NLGN1: variants seen among roughly 807,000 people sequenced by gnomAD.
NLGN1 encodes neuroligin 1, also known as neuroligin-1.
NLGN1 carries 12 observed loss-of-function variants against 65.5 expected under a neutral mutation model. That is an observed-to-expected ratio of 0.18 (90% CI 0.12 to 0.30). The LOEUF (loss-of-function observed/expected upper bound fraction) is 0.30. NLGN1 is among the 10% of genes least tolerant of loss of function. The pLI is 1.00. For synonymous variants in NLGN1, 350 were observed against 359.5 expected (o/e 0.97, Z 0.30); for missense variants, 750 against 1,007.1 (o/e 0.74, Z 3.46).
intron 2 of NLGN1, among the ~76,000 whole-genome samples, chr3:173,498,283 C>G (rs1018685060): frequency 2.0e-5 from 3 of 151,534 alleles, no homozygotes; most frequent in Non-Finnish European, 4.4e-5. Flanking sequence ...CAATTCCCAC[C>G]TATGAGTGAC....
intron 4 of NLGN1, among the ~76,000 whole-genome samples, chr3:174,086,693 C>T (rs1743469727): frequency 6.6e-6 from 1 of 151,784 alleles, no homozygotes; most frequent in African/African-American, 2.4e-5. Context: ...TCACCCAAAA[C>T]TATCCCAAAA....
intron 4 of NLGN1, among the ~76,000 whole-genome samples, chr3:174,249,849 G>A (rs1271590908): frequency 6.6e-6 from 1 of 152,144 alleles, no homozygotes; most frequent in East Asian, 1.9e-4. Context: ...ATTATAAGAA[G>A]GAGGCTGCTG....
At position 173,622,503 on chromosome 3, in the gene NLGN1, C is replaced by A. The variant is rs1343542901; in HGVS notation, c.493+17412C>A. On this transcript the variant is annotated intron_variant, in intron 3 of 6. Coordinates refer to ENST00000457714, the Ensembl canonical transcript of NLGN1. Reference sequence around the variant, plus strand: ...GAATGGCAAGGACATCTGGAAAGATCAGAGCATGATAGAATGCCCAAATTG... The same window carrying A: ...GAATGGCAAGGACATCTGGAAAGATAAGAGCATGATAGAATGCCCAAATTG... Among the ~76,000 whole-genome samples, 4 of 151,694 alleles carry A rather than the reference C, an allele frequency of 2.6e-5. No individual in the cohort carries two copies. The East Asian group carries it at 7.8e-4, about 29-fold the overall frequency.
In NLGN1 at chr3:173,420,864, G is replaced by A. The variant is rs914489908; in HGVS notation, c.-389-14146G>A. 3.3e-5 allele frequency among the ~76,000 whole-genome samples: 5 copies of A among 152,186 alleles called. No individual in the cohort carries two copies. In the South Asian group the frequency reaches 6.2e-4, roughly 19 times the overall value. On this transcript the variant is annotated intron_variant, in intron 1 of 6. Transcript: ENST00000457714. ...TTCATGTACAAAATTTTTACACATA[G>A]TTGAATCTTCTGGACTTTCTATTCA...
intron 3 of NLGN1, among the ~76,000 whole-genome samples, chr3:173,782,098 C>CT (rs35107991): frequency 0.75 from 113,548 of 150,434 alleles, 44,180 homozygotes; most frequent in Non-Finnish European, 0.86. Flanking sequence ...TTGGAAGTGT[C>CT]TTTTTTTTTA....
At chr3:173,769,100 T>C (rs917128127) in intron 3 of NLGN1, among the ~76,000 whole-genome samples, 3 of 152,134 alleles carry the variant, frequency 2.0e-5, no homozygotes, top group Non-Finnish European at 4.4e-5. Context: ...CATTACTTTG[T>C]TCAAGAATCT....
At chr3:173,868,520 A>G (rs974857212) in intron 4 of NLGN1, among the ~76,000 whole-genome samples, 1 of 152,178 alleles carries the variant, frequency 6.6e-6, no homozygotes, top group Admixed American at 6.5e-5. Context: ...GTGAATAAAA[A>G]TGCACTTAGA....
chr3:174,020,123 A>G (rs1270957640), intron 4 of NLGN1, among the ~76,000 whole-genome samples: 1 of 152,154 alleles, frequency 6.6e-6, no homozygotes, highest in East Asian at 1.9e-4. Flanking sequence ...ATAAATTTGT[A>G]GGTCACACAT....
rs556022318 is a variant in NLGN1 at position 174,032,827 on chromosome 3, T to C, written c.646+224995T>C. On this transcript the variant is annotated intron_variant, in intron 4 of 6. Coordinates refer to ENST00000457714, the Ensembl canonical transcript of NLGN1. ...GAGGCTTATCCCAGTGGAGGAAGGG[T>C]ATTATTTCTACTCTGAGCCAGGCTA... Among the ~76,000 whole-genome samples the C allele has an allele frequency of 1.7e-4, 26 of 152,142 alleles. No individual in the cohort carries two copies. The South Asian group carries it at 4.4e-3, about 25-fold the overall frequency.
intron 4 of NLGN1, among the ~76,000 whole-genome samples, chr3:174,172,416 C>G (rs1577207061): frequency 6.6e-6 from 1 of 152,194 alleles, no homozygotes; most frequent in East Asian, 1.9e-4. Context: ...TTTGTACCCA[C>G]TAACCATACC....
At chr3:173,817,468 A>G (rs765692424) in intron 4 of NLGN1, among the ~76,000 whole-genome samples, 112 of 152,306 alleles carry the variant, frequency 7.4e-4, no homozygotes, top group Non-Finnish European at 1.3e-3. Flanking sequence ...TGAGGCAGAT[A>G]TTTTGCTCAT....
At chr3:173,640,240 A>G (rs1398280168) in intron 3 of NLGN1, among the ~76,000 whole-genome samples, 1 of 152,192 alleles carries the variant, frequency 6.6e-6, no homozygotes, top group Non-Finnish European at 1.5e-5. Context: ...AGTCATCTGA[A>G]GCCTGTATTT....
At chr3:173,944,190 A>G (rs9883340) in intron 4 of NLGN1, among the ~76,000 whole-genome samples, 6,433 of 150,782 alleles carry the variant, frequency 0.043, 235 homozygotes, top group African/African-American at 0.1. Flanking sequence ...AGGATTAGAA[A>G]GCTTCCCGAA....
At chr3:174,063,214 A>T (rs907876606) in intron 4 of NLGN1, among the ~76,000 whole-genome samples, 22 of 152,190 alleles carry the variant, frequency 1.4e-4, no homozygotes, top group South Asian at 2.1e-4. Context: ...AAAAATGTTG[A>T]AAGACTGTGA....
chr3:173,794,253 C>A (rs1206687565), intron 3 of NLGN1, among the ~76,000 whole-genome samples: 2 of 152,110 alleles, frequency 1.3e-5, no homozygotes, highest in Admixed American at 1.3e-4. Flanking sequence ...ACACTTATCA[C>A]AATTTATAAG....
intron 4 of NLGN1, among the ~76,000 whole-genome samples, chr3:174,249,816 C>T (rs1005750722): frequency 6.6e-6 from 1 of 152,094 alleles, no homozygotes; most frequent in African/African-American, 2.4e-5. Flanking sequence ...AGTTATTTTT[C>T]TCTTCTTTGA....
rs116569947 is a variant in NLGN1, at chr3:173,959,522, T to C, written c.646+151690T>C. On this transcript the variant is annotated intron_variant, in intron 4 of 6. Coordinates refer to ENST00000457714, the Ensembl canonical transcript of NLGN1. Reference sequence around the variant, plus strand: ...CCTAACTTTCAAATTTTGTTACTTATCAAGAGAACCATATAGTTTTTTCCC... The same window carrying C: ...CCTAACTTTCAAATTTTGTTACTTACCAAGAGAACCATATAGTTTTTTCCC... 5.5e-3 allele frequency among the ~76,000 whole-genome samples: 831 copies of C among 152,326 alleles called. 5 individuals carry two copies. The highest frequency in any genetic ancestry group is 0.019 in the African/African-American group (774 of 41,572).
At chr3:173,623,730 G>GT (rs1201749043) in intron 3 of NLGN1, among the ~76,000 whole-genome samples, 1 of 152,068 alleles carries the variant, frequency 6.6e-6, no homozygotes, top group Non-Finnish European at 1.5e-5. Context: ...ATGTTTGTGC[G>GT]TAAGAGAGTG....
intron 4 of NLGN1, among the ~76,000 whole-genome samples, chr3:174,021,453 GTAGT>G (rs1297237881): frequency 6.6e-6 from 1 of 152,062 alleles, no homozygotes; most frequent in East Asian, 1.9e-4. Flanking sequence ...TAGAAGAAAG[GTAGT>G]TTTGTTTTTT....
Sources: gnomAD v4.1 joint callset for allele counts (sites outside exome capture counted in the v4.1 genomes callset) on GRCh38, gnomAD v4.1.1 for gene constraint, MANE v1.5 for transcripts, NCBI Gene and HGNC (gene_info 2026-07-23, HGNC 2026-07-21) for gene names.